Variants in ADGRA3 observed in about 807,000 individuals in gnomAD.
ADGRA3 encodes the protein G-protein coupled receptor 125.
Under a neutral mutation model 119.8 loss-of-function variants are expected in ADGRA3, and 56 were observed. The ratio of observed to expected loss-of-function variants is 0.47; its 90% CI spans 0.38 to 0.58. The LOEUF is 0.58. Ranked by LOEUF, ADGRA3 falls within the 20% of genes least tolerant of loss-of-function variation. The probability of loss-of-function intolerance (pLI) is 0.00; values close to 1 mark genes in which losing one functional copy is unlikely to be tolerated. For missense variants in ADGRA3, 1,516 were observed against 1,649.0 expected (o/e 0.92, Z 1.40); for synonymous variants, 607 against 623.8 (o/e 0.97, Z 0.40).
intron 1 of ADGRA3, among the ~76,000 whole-genome samples, chr4:22,511,490 T>C (rs1394934453): frequency 6.6e-6 from 1 of 152,172 alleles, no homozygotes; most frequent in East Asian, 1.9e-4. Context: ...ATCTGACTTT[T>C]AGGCTATGAT....
chr4:22,499,422 C>A (rs12648279), intron 1 of ADGRA3, among the ~76,000 whole-genome samples: 77,318 of 152,016 alleles, frequency 0.51, 20,107 homozygotes, highest in East Asian at 0.64. Context: ...AAAACCAATG[C>A]GAATCCCCAC....
intron 5 of ADGRA3, 89 bp from the exon 6 acceptor site, chr4:22,445,222 G>T: frequency 1.8e-6 from 2 of 1,114,642 alleles, no homozygotes; most frequent in Non-Finnish European, 2.7e-6. Flanking sequence ...CTGGTGGCAA[G>T]CACAATACTG....
intron 10 of ADGRA3, among the ~76,000 whole-genome samples, chr4:22,432,776 T>C (rs1716239833): frequency 6.6e-6 from 1 of 152,210 alleles, no homozygotes; most frequent in African/African-American, 2.4e-5. Context: ...TGAGAGCTTT[T>C]AATGCCTATC....
intron 14 of ADGRA3, among the ~76,000 whole-genome samples, chr4:22,403,476 A>G (rs866592207): frequency 2.5e-4 from 38 of 152,102 alleles, no homozygotes; most frequent in Middle Eastern, 6.8e-3. Context: ...AGTGGCTCGC[A>G]CCTGTAATCC....
At chr4:22,513,036 C>T (rs992320869) in intron 1 of ADGRA3, among the ~76,000 whole-genome samples, 4 of 152,094 alleles carry the variant, frequency 2.6e-5, no homozygotes, top group Non-Finnish European at 5.9e-5. Context: ...CCCTTATCTA[C>T]AGTAACTCTA....
intron 6 of ADGRA3, 71 bp downstream of exon 6, chr4:22,444,902 A>G (rs895080940): frequency 1.4e-5 from 21 of 1,476,726 alleles, no homozygotes; most frequent in Non-Finnish European, 1.6e-5. Context: ...GAATCTTACA[A>G]TTTGTCAAGA....
At chr4:22,511,155 C>T (rs921320645) in intron 1 of ADGRA3, among the ~76,000 whole-genome samples, 1 of 152,136 alleles carries the variant, frequency 6.6e-6, no homozygotes, top group Non-Finnish European at 1.5e-5. Flanking sequence ...AGTAGCATCA[C>T]GAGGAACCCA....
intron 1 of ADGRA3, among the ~76,000 whole-genome samples, chr4:22,497,444 G>A (rs1412471502): frequency 6.6e-6 from 1 of 152,130 alleles, no homozygotes. Context: ...GTCTACTCAC[G>A]GAGTTGGGGT....
rs1713938839 is a variant in ADGRA3, at chr4:22,388,353, G to C, written c.3318C>G (p.Phe1106Leu). ...SSCTNKSASS[F>L]KNSSQGCKLT... ...ATTTGCAGCCCTGGGAGGAATTTTTGAAGCTTGAAGCACTTTTGTTTGTGC... is the reference window on the plus strand; with the variant it reads ...ATTTGCAGCCCTGGGAGGAATTTTTCAAGCTTGAAGCACTTTTGTTTGTGC... The change falls in exon 19 of 19, where the codon TTC becomes TTG. Residue 1106 changes from phenylalanine (F) to leucine (L), a missense_variant. Transcript: ENST00000334304. The C allele has an allele frequency of 1.2e-6, 2 of 1,613,966 alleles. No homozygotes were observed. Among genetic ancestry groups the C allele is most frequent in the African/African-American group, 2.7e-5 (2 of 74,898 alleles).
chr4:22,387,780 C>CT lies in ADGRA3; in HGVS notation c.3890dup (p.Glu1298GlyfsTer9). On this transcript the variant is annotated frameshift_variant, in exon 19 of 19. Coordinates refer to ENST00000334304, the MANE Select transcript of ADGRA3 (RefSeq NM_145290.4). LOFTEE classifies it high-confidence loss of function. Reference sequence around the variant, plus strand: ...TATCGGTACCGAGCAAGGGTCCCTCCTGCCCATTGCTTTTAATTGGTCCAT... The same window carrying CT: ...TATCGGTACCGAGCAAGGGTCCCTCCTTGCCCATTGCTTTTAATTGGTCCAT... 3.1e-6 allele frequency: 5 copies of CT among 1,614,078 alleles called. No individual in the cohort carries two copies. Among genetic ancestry groups the CT allele is most frequent in the Non-Finnish European group, 4.2e-6 (5 of 1,179,940 alleles).
chr4:22,401,614 A>T, intron 15 of ADGRA3, 60 bp from the exon 16 acceptor site: 1 of 1,306,128 alleles, frequency 7.7e-7, no homozygotes, highest in Non-Finnish European at 1.1e-6. Flanking sequence ...GAAAACTATG[A>T]TGTTCATCTT....
Position 22,445,093 on chromosome 4 carries a change from G to A in ADGRA3, c.586C>T (p.Leu196=), listed in dbSNP as rs376148471. ...TCCTTTACCCAGCGATGCATCCACAGTATGTTACAGTCACACAAAAGATAC... is the reference window on the plus strand; with the variant it reads ...TCCTTTACCCAGCGATGCATCCACAATATGTTACAGTCACACAAAAGATAC... The part of the protein sequence containing the change: ...TEYLLCDCNI[L]WMHRWVKEKN... Residue 196 remains leucine, a synonymous_variant, in exon 6 of 19, where the codon CTG becomes TTG. Transcript: ENST00000334304. 2 of 1,613,894 alleles carry A rather than the reference G, an allele frequency of 1.2e-6. No individual in the cohort carries two copies. The highest frequency in any genetic ancestry group is 1.7e-6 in the Non-Finnish European group (2 of 1,179,836).
chr4:22,497,759 CAAAAAA>C (rs67569148), intron 1 of ADGRA3, among the ~76,000 whole-genome samples: 46 of 71,370 alleles, frequency 6.4e-4, no homozygotes, highest in African/African-American at 2.3e-3. Context: ...ATTGCTGTCT[CAAAAAA>C]AAAAAAAAAA....
In ADGRA3 at chr4:22,445,337, C is replaced by CG. The variant is rs1441533256; in HGVS notation, c.546-205dup. On this transcript the variant is annotated intron_variant, in intron 5 of 18. Coordinates refer to ENST00000334304, the MANE Select transcript of ADGRA3 (RefSeq NM_145290.4). ...ACCCCAACACTGTTCTTGCTGATCC[C>CG]GGGTTTCTGCTTTGGATGAAATTTT... Among the ~76,000 whole-genome samples the CG allele has an allele frequency of 2.0e-5, 3 of 152,136 alleles. No homozygotes were observed. The East Asian group carries it at 5.8e-4, about 29-fold the overall frequency.
At chr4:22,415,339 G>A (rs1195569575) in intron 12 of ADGRA3, among the ~76,000 whole-genome samples, 1 of 152,084 alleles carries the variant, frequency 6.6e-6, no homozygotes, top group East Asian at 1.9e-4. Flanking sequence ...TCTTTTCAAT[G>A]TAAGTATTTT....
chr4:22,449,473 T>C (rs1716952381), intron 4 of ADGRA3, among the ~76,000 whole-genome samples: 1 of 152,102 alleles, frequency 6.6e-6, no homozygotes, highest in Admixed American at 6.5e-5. Context: ...ATATGTACAA[T>C]TGTCTCCGAT....
chr4:22,461,031 G>A (rs1442784400), intron 3 of ADGRA3, among the ~76,000 whole-genome samples: 1 of 152,150 alleles, frequency 6.6e-6, no homozygotes, highest in Non-Finnish European at 1.5e-5. Context: ...ATAAAAACTG[G>A]TCCTTAGGTT....
intron 11 of ADGRA3, among the ~76,000 whole-genome samples, chr4:22,422,942 C>T (rs1715767995): frequency 6.6e-6 from 1 of 152,064 alleles, no homozygotes; most frequent in South Asian, 2.1e-4. Flanking sequence ...CGCCTGTAAT[C>T]CCAGCACTTT....
chr4:22,506,463 G>T (rs181993019), intron 1 of ADGRA3, among the ~76,000 whole-genome samples: 2 of 152,180 alleles, frequency 1.3e-5, no homozygotes, highest in Non-Finnish European at 2.9e-5. Flanking sequence ...TGAGGCACAA[G>T]AATCACTTGA....
Sources: gnomAD v4.1 joint callset for allele counts (sites outside exome capture counted in the v4.1 genomes callset) on GRCh38, gnomAD v4.1.1 for gene constraint, MANE v1.5 for transcripts, NCBI Gene and HGNC (gene_info 2026-07-23, HGNC 2026-07-21) for gene names.